CSMD2: variants seen among roughly 807,000 people sequenced by gnomAD.
The protein encoded by CSMD2 is CUB and Sushi multiple domains 2.
In CSMD2, 130 loss-of-function variants were observed where a neutral mutation model predicts 398.5. The ratio of observed to expected loss-of-function variants is 0.33; its 90% confidence interval spans 0.28 to 0.38. The LOEUF is 0.38. Among genes scored for constraint, CSMD2 ranks in the 10% least tolerant of loss-of-function variants. The pLI is 1.00. For synonymous variants in CSMD2, 1,828 were observed against 1,908.5 expected, an observed-to-expected ratio of 0.96 and a Z score of 1.10; for missense variants, 3,829 against 4,764.9, an observed-to-expected ratio of 0.80 and a Z score of 5.78.
At chr1:33,845,816 C>T (rs988816028) in intron 6 of CSMD2, among the ~76,000 whole-genome samples, 1 of 152,194 alleles carries the variant, frequency 6.6e-6, no homozygotes, top group Non-Finnish European at 1.5e-5. Flanking sequence ...TGCTTTTATC[C>T]CAGTTTCCAG....
chr1:33,534,814 C>T (rs1430747816), intron 62 of CSMD2, among the ~76,000 whole-genome samples: 1 of 152,166 alleles, frequency 6.6e-6, no homozygotes, highest in African/African-American at 2.4e-5. Flanking sequence ...AACCTCAAGT[C>T]ATCTTTGATC....
chr1:34,074,160 G>A lies in CSMD2; in HGVS notation c.404+14817C>T, dbSNP rs551346900. ...CACATTGGAGATTACAATCCAACAC[G>A]AGATTTGGGCAGGGATACAGAGCCA... On this transcript the variant is annotated intron_variant, in intron 2 of 70. Transcript: ENST00000373381. 1.5e-4 allele frequency among the ~76,000 whole-genome samples: 23 copies of A among 152,316 alleles called. 1 individual carries two copies. Among genetic ancestry groups the A allele is most frequent in the African/African-American group, 4.3e-4 (18 of 41,574 alleles).
At chr1:33,690,143 C>T (rs1031866012) in intron 25 of CSMD2, among the ~76,000 whole-genome samples, 28 of 152,318 alleles carry the variant, frequency 1.8e-4, no homozygotes, top group South Asian at 4.1e-4. Context: ...ATAGCCCCAA[C>T]GCCCTCTGTG....
intron 6 of CSMD2, among the ~76,000 whole-genome samples, chr1:33,835,683 CAAAA>C (rs1660147369): frequency 2.5e-5 from 1 of 40,076 alleles, no homozygotes; most frequent in South Asian, 1.5e-3. Context: ...CAAAACAAAA[CAAAA>C]CAAAAAAAAC....
chr1:33,601,854 T>C (rs1012215837), intron 43 of CSMD2, among the ~76,000 whole-genome samples: 4 of 152,212 alleles, frequency 2.6e-5, no homozygotes, highest in African/African-American at 9.7e-5. Context: ...AGACCCTCAG[T>C]CATATCCAAG....
chr1:33,908,623 C>A (rs554245695), intron 5 of CSMD2, among the ~76,000 whole-genome samples: 1 of 152,228 alleles, frequency 6.6e-6, no homozygotes, highest in Non-Finnish European at 1.5e-5. Context: ...GTGCCCACTG[C>A]GACAACACCA....
In CSMD2 at chr1:34,165,053, G is replaced by A; in HGVS notation, c.45C>T (p.Pro15=). Residue 15 remains proline, a synonymous_variant, in exon 1 of 71, where the codon CCC becomes CCT. Coordinates refer to ENST00000373381, the MANE Select transcript of CSMD2 (RefSeq NM_001281956.2). ...CGGTTTCGCCGCGAGCCCTCCCCGC[G>A]GGGCAGCCGCAGCGCCCCAGCTCCC... The part of the protein sequence containing the change: ...RGRELGRCGC[P]AGRARGETGI... 8.2e-7 allele frequency: 1 copy of A among 1,215,444 alleles called. No homozygotes were observed. The highest frequency in any genetic ancestry group is 1.0e-6 in the Non-Finnish European group (1 of 977,416). 75.3% of individuals were successfully genotyped at this position (1,215,444 alleles called of 1,614,324 possible). A position where few individuals can be genotyped will look rare whatever the true frequency, so the allele number is the denominator to read the frequency against.
chr1:34,043,991 G>A (rs2148197110), intron 2 of CSMD2, among the ~76,000 whole-genome samples: 1 of 152,280 alleles, frequency 6.6e-6, no homozygotes, highest in South Asian at 2.1e-4. Flanking sequence ...AAAACTCTTG[G>A]AAGCTTGTGC....
chr1:33,536,721 G>GGTCTGTCT (rs3838986), intron 62 of CSMD2, among the ~76,000 whole-genome samples: 31,927 of 151,956 alleles, frequency 0.21, 3,438 homozygotes, highest in East Asian at 0.34. Flanking sequence ...TGAGGACAGA[G>GGTCTGTCT]GTCTCACTCA....
chr1:33,955,873 G>A (rs963664869), intron 3 of CSMD2, among the ~76,000 whole-genome samples: 1 of 152,118 alleles, frequency 6.6e-6, no homozygotes, highest in Non-Finnish European at 1.5e-5. Flanking sequence ...CCACTTACAG[G>A]TGCCAAACCA....
At chr1:33,747,336 T>C (rs11809209) in intron 13 of CSMD2, among the ~76,000 whole-genome samples, 128 of 152,358 alleles carry the variant, frequency 8.4e-4, no homozygotes, top group African/African-American at 2.8e-3. Flanking sequence ...TAGGGTAGAA[T>C]ATTCCAGATT....
intron 3 of CSMD2, among the ~76,000 whole-genome samples, chr1:33,946,209 T>C (rs1644832322): frequency 6.6e-6 from 1 of 152,226 alleles, no homozygotes; most frequent in Admixed American, 6.5e-5. Flanking sequence ...CTGCCCTGAC[T>C]TTGGAACTTT....
chr1:33,528,307 G>A (rs1654960928), intron 64 of CSMD2, among the ~76,000 whole-genome samples: 1 of 152,202 alleles, frequency 6.6e-6, no homozygotes, highest in Admixed American at 6.5e-5. Context: ...TTATGAACAG[G>A]AAAGTCATGA....
In CSMD2 at chr1:33,586,565, T is replaced by G. The variant is rs778715437; in HGVS notation, c.6990A>C (p.Glu2330Asp). 1 of 1,613,814 alleles carries G rather than the reference T, an allele frequency of 6.2e-7. No homozygotes were observed. The highest frequency in any genetic ancestry group is 8.5e-7 in the Non-Finnish European group (1 of 1,179,800). Reference sequence around the variant, plus strand: ...AGGTTCCAAGTTTGCAGGTCAGAATTTCATTCCCCACTAAGGTAAAGCCAG... The same window carrying G: ...AGGTTCCAAGTTTGCAGGTCAGAATGTCATTCCCCACTAAGGTAAAGCCAG... ...CLPGFTLVGN[E>D]ILTCKLGTYL... The change falls in exon 46 of 71, where the codon GAA becomes GAC. Residue 2330 changes from glutamate (E) to aspartate (D), a missense_variant. By Grantham distance (45) the Glu-to-Asp change is conservative (BLOSUM62 2). Transcript: ENST00000373381.
rs1183389192 is a variant in CSMD2, at chr1:33,918,217, G to A, written c.797C>T (p.Ala266Val). 4.3e-6 allele frequency: 7 copies of A among 1,614,176 alleles called. No homozygotes were observed. Among genetic ancestry groups the A allele is most frequent in the Non-Finnish European group, 5.9e-6 (7 of 1,180,034 alleles). ...AGCCAGGATGGTCCATGTGCAGTCG[G>A]CATTGTTATGGTACTCCGAGGGGAA... ...PHFPSEYHNN[A>V]DCTWTILAEL... Residue 266 changes from alanine (A) to valine (V), a missense_variant, in exon 5 of 71, where the codon GCC becomes GTC. Physicochemically the swap from Ala to Val is moderately conservative, Grantham distance 64. This residue lies in a region of CSMD2 where 2,001 missense variants were observed against 2,567.1 expected (regional missense o/e 0.78). Transcript: ENST00000373381.
intron 3 of CSMD2, among the ~76,000 whole-genome samples, chr1:33,956,817 G>T (rs1266749475): frequency 6.6e-6 from 1 of 152,044 alleles, no homozygotes; most frequent in Admixed American, 6.6e-5. Context: ...CAGCTAGAGG[G>T]ATCTGTTAAA....
Position 34,076,909 on chromosome 1 carries a change from C to CAAAAAAAAAAA in CSMD2, c.404+12057_404+12067dup, listed in dbSNP as rs1160217243. On this transcript the variant is annotated intron_variant, in intron 2 of 70. Coordinates refer to ENST00000373381, the MANE Select transcript of CSMD2 (RefSeq NM_001281956.2). Reference sequence around the variant, plus strand: ...ACTGTATGGCTCTGTTACAGCAAAGCAAAAAAAAAAAAAAAAAAAATATAT... The same window carrying CAAAAAAAAAAA: ...ACTGTATGGCTCTGTTACAGCAAAGCAAAAAAAAAAAAAAAAAAAAAAAAAAAAAAATATAT... Among the ~76,000 whole-genome samples, 5 of 10,210 alleles carry CAAAAAAAAAAA rather than the reference C, an allele frequency of 4.9e-4. 2 individuals are homozygous for CAAAAAAAAAAA. Among genetic ancestry groups the CAAAAAAAAAAA allele is most frequent in the African/African-American group, 1.1e-3 (3 of 2,664 alleles). 6.7% of individuals were successfully genotyped at this position (10,210 alleles called of 152,430 possible). A position where few individuals can be genotyped will look rare whatever the true frequency, so the allele number is the denominator to read the frequency against.
intron 55 of CSMD2, among the ~76,000 whole-genome samples, chr1:33,553,942 C>T (rs1657708432): frequency 2.0e-5 from 3 of 152,058 alleles, no homozygotes. Context: ...CAGAGCAAGG[C>T]CCTGACCCTC....
At chr1:33,747,783 G>A (rs977157754) in intron 13 of CSMD2, among the ~76,000 whole-genome samples, 2 of 152,160 alleles carry the variant, frequency 1.3e-5, no homozygotes, top group African/African-American at 4.8e-5. Context: ...CATTAGAAGA[G>A]TGCTGTAATT....
Sources: allele counts gnomAD v4.1 joint callset (sites outside exome capture counted in the v4.1 genomes callset), GRCh38; gene constraint gnomAD v4.1.1; regional missense constraint gnomAD v4.1.1; transcripts MANE v1.5; gene names NCBI Gene and HGNC (gene_info 2026-07-23, HGNC 2026-07-21).